The following AJAP1 variants were observed in gnomAD, a reference collection of about 807,000 sequenced individuals.
The protein encoded by AJAP1 is adherens junction-associated protein 1.
A neutral mutation model predicts 35.0 loss-of-function variants in AJAP1; 5 were observed. That is an observed-to-expected ratio of 0.14 (90% CI 0.07 to 0.30). The LOEUF is 0.30. AJAP1 is among the 10% of genes least tolerant of loss of function. The pLI, the probability that AJAP1 is intolerant of heterozygous loss-of-function variation, is 1.00. For synonymous variants in AJAP1, 284 were observed against 249.3 expected, an observed-to-expected ratio of 1.14 and a Z score of -1.31; for missense variants, 586 against 571.0, an observed-to-expected ratio of 1.03 and a Z score of -0.27.
At chr1:4,736,579 A>G (rs1489754412) in intron 2 of AJAP1, among the ~76,000 whole-genome samples, 1 of 152,208 alleles carries the variant, frequency 6.6e-6, no homozygotes, top group Non-Finnish European at 1.5e-5. Context: ...TAGGATTAAA[A>G]GTGAGGCCCT....
At chr1:4,771,856 G>A (rs1641842400) in intron 3 of AJAP1, among the ~76,000 whole-genome samples, 1 of 152,046 alleles carries the variant, frequency 6.6e-6, no homozygotes, top group Admixed American at 6.5e-5. Flanking sequence ...TGAAGGAACG[G>A]ACCACCCCAA....
chr1:4,678,818 G>C (rs927908153), intron 1 of AJAP1, among the ~76,000 whole-genome samples: 1 of 152,092 alleles, frequency 6.6e-6, no homozygotes, highest in African/African-American at 2.4e-5. Context: ...CTCTCTTTGG[G>C]CAGTTCCAAA....
chr1:4,778,500 G>A (rs116616393), intron 5 of AJAP1, among the ~76,000 whole-genome samples: 2,010 of 152,036 alleles, frequency 0.013, 42 homozygotes, highest in African/African-American at 0.038. Context: ...TGGTCTTGCA[G>A]GAAACCTCTC....
chr1:4,708,370 C>T (rs1030629667), intron 1 of AJAP1, among the ~76,000 whole-genome samples: 5 of 152,120 alleles, frequency 3.3e-5, no homozygotes, highest in East Asian at 1.9e-4. Context: ...GTGCTGTGGT[C>T]GGCAGCCATG....
At chr1:4,722,688 G>A (rs1422199582) in intron 2 of AJAP1, among the ~76,000 whole-genome samples, 1 of 152,218 alleles carries the variant, frequency 6.6e-6, no homozygotes, top group African/African-American at 2.4e-5. Flanking sequence ...GTGGCTCCAG[G>A]TGCTCCTTGG....
intron 5 of AJAP1, among the ~76,000 whole-genome samples, chr1:4,778,764 C>T (rs1024023354): frequency 2.0e-5 from 3 of 152,322 alleles, no homozygotes; most frequent in South Asian, 2.1e-4. Flanking sequence ...TGATCCTCCA[C>T]GTCGTGTCTG....
In AJAP1 at chr1:4,788,588, T is replaced by C. The variant is rs948970594; in HGVS notation, c.*6103T>C. On this transcript the variant is annotated 3_prime_UTR_variant, in exon 6 of 6. Transcript: ENST00000378191. ...GAACATTTGCACTTTGTCAGAGGAG[T>C]GGCCCCACCCTACTCTCTGCCTGAA... 6.6e-6 allele frequency: 1 copy of C among 152,102 alleles called. No homozygotes were observed. The highest frequency in any genetic ancestry group is 2.4e-5 in the African/African-American group (1 of 41,358). The allele number at this position is 152,102 out of a possible 1,614,324, so 9.4% of individuals were successfully genotyped here.
chr1:4,732,555 T>C (rs1172154873), intron 2 of AJAP1, among the ~76,000 whole-genome samples: 2 of 152,246 alleles, frequency 1.3e-5, no homozygotes, highest in African/African-American at 4.8e-5. Context: ...GCCCCCAGAA[T>C]TGCACTCTGC....
At chr1:4,674,057 AAAAAAAAAAGGAAC>A (rs1325412944) in intron 1 of AJAP1, among the ~76,000 whole-genome samples, 1 of 151,430 alleles carries the variant, frequency 6.6e-6, no homozygotes, top group African/African-American at 2.4e-5. Context: ...AAAAAAAAAA[AAAAAAAAAAGGAAC>A]AAAAAGGATT....
At chr1:4,775,639 A>G (rs1333604436) in intron 5 of AJAP1, among the ~76,000 whole-genome samples, 1 of 152,292 alleles carries the variant, frequency 6.6e-6, no homozygotes. Flanking sequence ...TCCTGGCACT[A>G]ATGAACTGCA....
rs1029222197 is a variant in AJAP1, at chr1:4,713,463, G to GT, written c.829+770dup. ...ATATCTCCTTCTGTGCAGTTTTGTTGTTTTTTATTTTCCTCCTATACGCTG... is the reference window on the plus strand; with the variant it reads ...ATATCTCCTTCTGTGCAGTTTTGTTGTTTTTTTATTTTCCTCCTATACGCTG... On this transcript the variant is annotated intron_variant, in intron 2 of 5. Transcript: ENST00000378191. 2.0e-5 allele frequency among the ~76,000 whole-genome samples: 3 copies of GT among 152,210 alleles called. No homozygotes were observed. The South Asian group carries it at 6.2e-4, about 31-fold the overall frequency.
At chr1:4,680,931 A>G (rs1426527869) in intron 1 of AJAP1, among the ~76,000 whole-genome samples, 3 of 152,170 alleles carry the variant, frequency 2.0e-5, no homozygotes, top group Admixed American at 1.3e-4. Flanking sequence ...ACCTTGTACA[A>G]TATATGAGCT....
chr1:4,767,508 AT>A (rs1641710885), intron 2 of AJAP1, among the ~76,000 whole-genome samples: 1 of 149,188 alleles, frequency 6.7e-6, no homozygotes, highest in South Asian at 2.1e-4. Context: ...TATCACCATC[AT>A]CACCATCACC....
chr1:4,734,130 A>T lies in AJAP1; in HGVS notation c.829+21431A>T, dbSNP rs775786221. Among the ~76,000 whole-genome samples the T allele has an allele frequency of 5.3e-5, 8 of 152,150 alleles. No homozygotes were observed. Among genetic ancestry groups the T allele is most frequent in the Non-Finnish European group, 1.0e-4 (7 of 68,032 alleles). On this transcript the variant is annotated intron_variant, in intron 2 of 5. Transcript: ENST00000378191. The surrounding 1 kb of genome is among the most constrained non-coding windows in gnomAD (Gnocchi z 4.3). ...CTTCAATCATGACAATTAAAATCCA[A>T]ATACAGACCTGCCAGGGCCCTGAAC... is the stretch of plus-strand genomic sequence containing the variant.
rs1010948802 is a variant in AJAP1, at chr1:4,785,505, C to A, written c.*3020C>A. ...AGATAATGAGTGAAAGTGACTGGGC[C>A]TCGGAAATGCAGCCCCACCCACGGT... is the stretch of plus-strand genomic sequence containing the variant. On this transcript the variant is annotated 3_prime_UTR_variant, in exon 6 of 6. Coordinates refer to ENST00000378191, the MANE Select transcript of AJAP1 (RefSeq NM_018836.4). 2 of 152,118 alleles carry A rather than the reference C, an allele frequency of 1.3e-5. No individual in the cohort carries two copies. Among genetic ancestry groups the A allele is most frequent in the Non-Finnish European group, 2.9e-5 (2 of 68,038 alleles). The allele number at this position is 152,118 out of a possible 1,614,324, so 9.4% of individuals were successfully genotyped here. A position where few individuals can be genotyped will look rare whatever the true frequency, so the allele number is the denominator to read the frequency against.
At chr1:4,766,214 T>C (rs1055292702) in intron 2 of AJAP1, among the ~76,000 whole-genome samples, 1 of 136,256 alleles carries the variant, frequency 7.3e-6, no homozygotes, top group East Asian at 1.9e-4. Context: ...TGTCTGTGGC[T>C]GCTTTTTTTG....
In AJAP1 at chr1:4,692,993, A is replaced by C. The variant is rs1260357085; in HGVS notation, c.30-18907A>C. 6.6e-6 allele frequency among the ~76,000 whole-genome samples: 1 copy of C among 152,212 alleles called. No individual in the cohort carries two copies. The highest frequency in any genetic ancestry group is 2.4e-5 in the African/African-American group (1 of 41,446). ...AATAATTGTATAAAAATAAGCAGTT[A>C]ATATTTCTATTACAGTGTAATTAAT... On this transcript the variant is annotated intron_variant, in intron 1 of 5. Coordinates refer to ENST00000378191, the MANE Select transcript of AJAP1 (RefSeq NM_018836.4). The surrounding 1 kb of genome is among the most constrained non-coding windows in gnomAD (Gnocchi z 4.4).
In AJAP1 at chr1:4,655,827, G is replaced by T. The variant is rs1638867808; in HGVS notation, c.29+373G>T. 6.7e-6 allele frequency among the ~76,000 whole-genome samples: 1 copy of T among 148,954 alleles called. No homozygotes were observed. ...CGGGGCGAGGCGCCGGCCGCTGGGC[G>T]CGGCGGGCGCGGGGGCCGGGGCTGC... On this transcript the variant is annotated intron_variant, in intron 1 of 5. Transcript: ENST00000378191. This position sits in a 1 kb window ranked among gnomAD's most constrained non-coding sequence, Gnocchi z 6.9.
intron 1 of AJAP1, among the ~76,000 whole-genome samples, chr1:4,704,786 G>A (rs1640064562): frequency 6.6e-6 from 1 of 152,298 alleles, no homozygotes; most frequent in East Asian, 1.9e-4. Flanking sequence ...GTGTAAAAGT[G>A]TTCCTATTTC....
Sources: allele counts gnomAD v4.1 joint callset (sites outside exome capture counted in the v4.1 genomes callset), GRCh38; gene constraint gnomAD v4.1.1; non-coding constraint Gnocchi (gnomAD v3.1); transcripts MANE v1.5; gene names NCBI Gene and HGNC (gene_info 2026-07-23, HGNC 2026-07-21).